The following IL6ST variants were observed in gnomAD, a reference collection of about 807,000 sequenced individuals.
IL6ST encodes interleukin-6 receptor subunit beta.
IL6ST carries 24 observed loss-of-function variants against 91.3 expected under a neutral mutation model. The ratio of observed to expected loss-of-function variants is 0.26; its 90% CI spans 0.19 to 0.37. The LOEUF (loss-of-function observed/expected upper bound fraction) is 0.37, where lower values mean the gene tolerates loss of function less well. IL6ST is among the 10% of genes least tolerant of loss of function. IL6ST has a pLI of 1.00. For synonymous variants in IL6ST, 351 were observed against 373.6 expected, an observed-to-expected ratio of 0.94 and a Z score of 0.70; for missense variants, 914 against 1,078.5, an observed-to-expected ratio of 0.85 and a Z score of 2.14.
At chr5:55,990,065 G>T (rs1333841084) in intron 1 of IL6ST, among the ~76,000 whole-genome samples, 1 of 152,140 alleles carries the variant, frequency 6.6e-6, no homozygotes, top group Non-Finnish European at 1.5e-5. Flanking sequence ...AAAAGAAAAT[G>T]AAACTTTGGA....
rs1374151363 is a variant in IL6ST at position 55,982,828 on chromosome 5, G to C, written c.-103-17C>G. The stretch of plus-strand genomic sequence containing the variant: ...TGGGTTTCACTGTAAAGAGAGGAGA[G>C]TCTTGTTCAGAAGGCTGGCTTTGAT... On this transcript the variant is annotated splice_polypyrimidine_tract_variant and intron_variant, in intron 1 of 16. Transcript: ENST00000381298. 1 of 398,060 alleles carries C rather than the reference G, an allele frequency of 2.5e-6. No individual in the cohort carries two copies. Among genetic ancestry groups the C allele is most frequent in the Non-Finnish European group, 4.4e-6 (1 of 225,858 alleles). The allele number at this position is 398,060 out of a possible 1,614,324, so 24.7% of individuals were successfully genotyped here.
rs1340840739 is a variant in IL6ST, at chr5:55,951,422, A to C, written c.1840+42T>G. ...CATAAACTAAGTTCATTTCTAACCT[A>C]AGTTTGAGAAAGAAAAAAAACCAAA... On this transcript the variant is annotated intron_variant, in intron 14 of 16. Coordinates refer to ENST00000381298, the MANE Select transcript of IL6ST (RefSeq NM_002184.4). 3.3e-6 allele frequency: 5 copies of C among 1,496,776 alleles called. No homozygotes were observed. In the East Asian group the frequency reaches 1.1e-4, roughly 34 times the overall value. 92.7% of individuals were successfully genotyped at this position (1,496,776 alleles called of 1,614,324 possible).
intron 1 of IL6ST, among the ~76,000 whole-genome samples, chr5:55,985,850 A>G (rs1041593959): frequency 6.6e-6 from 1 of 152,212 alleles, no homozygotes; most frequent in African/African-American, 2.4e-5. Context: ...TGTGAGCCAT[A>G]AGGTCTCTAT....
Position 55,935,853 on chromosome 5 carries a change from TTACA to T in IL6ST, c.*5225_*5228del, listed in dbSNP as rs1417526549. 1.4e-5 allele frequency: 3 copies of T among 217,232 alleles called. No individual in the cohort carries two copies. The highest frequency in any genetic ancestry group is 2.8e-5 in the Non-Finnish European group (3 of 108,240). 13.5% of individuals were successfully genotyped at this position (217,232 alleles called of 1,614,324 possible). On this transcript the variant is annotated 3_prime_UTR_variant, in exon 17 of 17. Coordinates refer to ENST00000381298, the MANE Select transcript of IL6ST (RefSeq NM_002184.4). ...AGAGAAAGAGTATGCTCTCAAGGAGTTACATAATCTTTTCCAAAGCAGGATGGAC... is the reference window on the plus strand; with the variant it reads ...AGAGAAAGAGTATGCTCTCAAGGAGTTAATCTTTTCCAAAGCAGGATGGAC...
intron 4 of IL6ST, among the ~76,000 whole-genome samples, chr5:55,969,336 T>C (rs1752821673): frequency 6.9e-6 from 1 of 144,986 alleles, no homozygotes; most frequent in African/African-American, 2.9e-5. Context: ...GGGGGTCTCA[T>C]GTCAAATATT....
intron 15 of IL6ST, among the ~76,000 whole-genome samples, chr5:55,943,626 TGGAA>T (rs1378226946): frequency 3.3e-5 from 5 of 152,222 alleles, no homozygotes; most frequent in Admixed American, 6.5e-5. Flanking sequence ...ACCATATTCA[TGGAA>T]GGAAGGAGAA....
rs143392208 is a variant in IL6ST, at chr5:55,948,388, A to G, written c.1841-799T>C. On this transcript the variant is annotated intron_variant, in intron 14 of 16. Coordinates refer to ENST00000381298, the MANE Select transcript of IL6ST (RefSeq NM_002184.4). ...TGTATGAAAGTAATATTGCAGCCAT[A>G]TACTATTCACTTAATTTTATCCTTC... 2.0e-4 allele frequency among the ~76,000 whole-genome samples: 30 copies of G among 152,258 alleles called. No homozygotes were observed. In the East Asian group the frequency reaches 5.6e-3, roughly 28 times the overall value.
intron 14 of IL6ST, among the ~76,000 whole-genome samples, chr5:55,949,473 T>C (rs1291895256): frequency 6.7e-6 from 1 of 150,282 alleles, no homozygotes; most frequent in African/African-American, 2.5e-5. Context: ...AGACTCTGTC[T>C]CAAAAACAAA....
At chr5:55,946,108 T>C (rs1243070009) in intron 15 of IL6ST, among the ~76,000 whole-genome samples, 2 of 151,902 alleles carry the variant, frequency 1.3e-5, no homozygotes, top group Non-Finnish European at 2.9e-5. Context: ...AATAGACACA[T>C]CACAAAAGAA....
At position 55,988,494 on chromosome 5, in the gene IL6ST, C is replaced by T. The variant is rs138032535; in HGVS notation, c.-103-5683G>A. On this transcript the variant is annotated intron_variant, in intron 1 of 16. Transcript: ENST00000381298. The stretch of plus-strand genomic sequence containing the variant: ...TCAAAAAATAGCTCTCCAGCTGGCG[C>T]GGTGGCTCACGCCTATAATCCCAGC... Among the ~76,000 whole-genome samples the T allele has an allele frequency of 1.4e-3, 210 of 151,376 alleles. No homozygotes were observed. The Middle Eastern group carries it at 0.017, about 12-fold the overall frequency.
intron 1 of IL6ST, among the ~76,000 whole-genome samples, chr5:55,989,155 AG>A (rs199660571): frequency 2.6e-5 from 3 of 114,582 alleles, no homozygotes; most frequent in African/African-American, 1.4e-4. Context: ...AAAGTCTCGC[AG>A]AAAAAAAAAA....
chr5:55,994,714 C>G (rs1201933216), intron 1 of IL6ST, 70 bp downstream of exon 1: 1 of 152,358 alleles, frequency 6.6e-6, no homozygotes, highest in Non-Finnish European at 1.5e-5. Context: ...CCTCGAGTGC[C>G]AGATAGCCCG....
chr5:55,945,858 C>T (rs1198093650), intron 15 of IL6ST, among the ~76,000 whole-genome samples: 1 of 151,604 alleles, frequency 6.6e-6, no homozygotes, highest in Non-Finnish European at 1.5e-5. Flanking sequence ...ACTGTGTTAG[C>T]CAGGATGGCC....
intron 15 of IL6ST, among the ~76,000 whole-genome samples, chr5:55,944,500 C>G (rs1327314136): frequency 6.6e-6 from 1 of 152,126 alleles, no homozygotes; most frequent in Non-Finnish European, 1.5e-5. Context: ...TATGCAAGGC[C>G]TGTCTACTGA....
At chr5:55,960,285 G>A in intron 8 of IL6ST, 117 bp downstream of exon 8, 2 of 742,922 alleles carry the variant, frequency 2.7e-6, no homozygotes, top group Non-Finnish European at 4.4e-6. Context: ...TTAAAATACT[G>A]CAGTTTGAAT....
intron 8 of IL6ST, chr5:55,959,602 G>T (rs1049387476): frequency 8.1e-7 from 1 of 1,235,710 alleles, no homozygotes; most frequent in Non-Finnish European, 1.1e-6. Flanking sequence ...ATCTATAGGA[G>T]AAAAAAGGAA....
intron 8 of IL6ST, chr5:55,959,783 CTAGT>C (rs1013256307): frequency 7.2e-6 from 3 of 417,412 alleles, no homozygotes; most frequent in Non-Finnish European, 8.7e-6. Context: ...ATATGATTCT[CTAGT>C]TAGGAGTATC....
At chr5:55,949,671 C>A (rs749128021) in intron 14 of IL6ST, among the ~76,000 whole-genome samples, 1 of 152,064 alleles carries the variant, frequency 6.6e-6, no homozygotes, top group Non-Finnish European at 1.5e-5. Flanking sequence ...TATTAACATA[C>A]CACCACATGG....
At chr5:55,953,769 G>A (rs567096898) in intron 11 of IL6ST, among the ~76,000 whole-genome samples, 102 of 152,286 alleles carry the variant, frequency 6.7e-4, no homozygotes, top group East Asian at 5.8e-4. Flanking sequence ...TAAAAGAATC[G>A]CTTGAGGCCA....
Sources: allele counts gnomAD v4.1 joint callset (sites outside exome capture counted in the v4.1 genomes callset), GRCh38; gene constraint gnomAD v4.1.1; transcripts MANE v1.5; gene names NCBI Gene and HGNC (gene_info 2026-07-23, HGNC 2026-07-21).